The following ECM1 variants were observed in gnomAD, a reference collection of about 807,000 sequenced individuals.
ECM1 encodes extracellular matrix protein 1.
A neutral mutation model predicts 57.9 loss-of-function variants in ECM1; 54 were observed. That is an observed-to-expected ratio of 0.93 (90% CI 0.75 to 1.17). The LOEUF (loss-of-function observed/expected upper bound fraction) is 1.17. ECM1 is among the 50% of genes most tolerant of loss of function. The probability of loss-of-function intolerance (pLI) is 0.00; values close to 1 mark genes in which losing one functional copy is unlikely to be tolerated. For synonymous variants in ECM1, 237 were observed against 259.1 expected (o/e 0.91, Z 0.82); for missense variants, 649 against 688.1 (o/e 0.94, Z 0.64).
Position 150,511,099 on chromosome 1 carries a change from C to T in ECM1, c.609C>T (p.Leu203=). ...TACCACAGTCCAGCTACTCCCACCT[C>T]ACTCGCCAGGGTGAGACCCTCAATT... ...WNLPQSSYSH[L]TRQGETLNFL... The change falls in exon 6 of 10, where the codon CTC becomes CTT. Residue 203 remains leucine (L), a synonymous_variant. Transcript: ENST00000369047. 3.1e-6 allele frequency: 5 copies of T among 1,614,264 alleles called. No individual in the cohort carries two copies. Among genetic ancestry groups the T allele is most frequent in the Non-Finnish European group, 3.4e-6 (4 of 1,180,052 alleles).
At chr1:150,512,596 C>T (rs1348748783) in intron 8 of ECM1, 24 bp downstream of exon 8, 1 of 1,613,718 alleles carries the variant, frequency 6.2e-7, no homozygotes, top group Non-Finnish European at 8.5e-7. Flanking sequence ...TCCTTCCCCA[C>T]TCTCTTCCTT....
At position 150,509,566 on chromosome 1, in the gene ECM1, G is replaced by C. The variant is rs1255847106; in HGVS notation, c.106G>C (p.Glu36Gln). Residue 36 changes from glutamate to glutamine, a missense_variant, in exon 2 of 10, where the codon GAG becomes CAG. Coordinates refer to ENST00000369047, the MANE Select transcript of ECM1 (RefSeq NM_004425.4). The part of the protein sequence containing the change: ...TATGQRQLRP[E>Q]HFQEVGYAAP... The stretch of plus-strand genomic sequence containing the variant: ...TACAGGACAGAGGCAGCTGAGGCCA[G>C]AGCACTTTCAAGAAGGTAAGAGTTT... 6.2e-7 allele frequency: 1 copy of C among 1,614,174 alleles called. No individual in the cohort carries two copies. Among genetic ancestry groups the C allele is most frequent in the South Asian group, 1.1e-5 (1 of 91,086 alleles).
At position 150,512,794 on chromosome 1, in the gene ECM1, C is replaced by A; in HGVS notation, c.1374C>A (p.Ala458=). ...RCCDLPFPEQ[A]CCAEEEKLTF... Reference sequence around the variant, plus strand: ...GTGACCTGCCATTTCCAGAACAGGCCTGCTGTGCAGAGGAGGAGGTGAGTG... The same window carrying A: ...GTGACCTGCCATTTCCAGAACAGGCATGCTGTGCAGAGGAGGAGGTGAGTG... The change falls in exon 9 of 10, where the codon GCC becomes GCA. Residue 458 remains alanine (A), a synonymous_variant. Coordinates refer to ENST00000369047, the MANE Select transcript of ECM1 (RefSeq NM_004425.4). 1 of 1,614,132 alleles carries A rather than the reference C, an allele frequency of 6.2e-7. No individual in the cohort carries two copies. The highest frequency in any genetic ancestry group is 8.5e-7 in the Non-Finnish European group (1 of 1,180,024).
chr1:150,510,148 G>T lies in ECM1; in HGVS notation c.351G>T (p.Leu117=), dbSNP rs1670399140. The change falls in exon 5 of 10, where the codon CTG becomes CTT. Residue 117 remains leucine (L), a synonymous_variant. Transcript: ENST00000369047. ...AAGCTGTCCCCCTCCAAAAAGAGCT[G>T]CCCTCTCTCCAGCACCCCAATGAAC... ...PQEAVPLQKE[L]PSLQHPNEQK... 1 of 1,614,028 alleles carries T rather than the reference G, an allele frequency of 6.2e-7. No homozygotes were observed. Among genetic ancestry groups the T allele is most frequent in the South Asian group, 1.1e-5 (1 of 91,076 alleles).
In ECM1 at chr1:150,513,496, G is replaced by A. The variant is rs901127046; in HGVS notation, c.*29G>A. On this transcript the variant is annotated 3_prime_UTR_variant, in exon 10 of 10. Transcript: ENST00000369047. ...ACCCCAGAGCCCTAGAGGGTCAGAT[G>A]GGGGGAACCCCACCCTGCCCCACCC... The A allele has an allele frequency of 1.9e-6, 3 of 1,596,626 alleles. No homozygotes were observed. The highest frequency in any genetic ancestry group is 2.7e-5 in the African/African-American group (2 of 74,624).
rs769326945 is a variant in ECM1 at position 150,511,150 on chromosome 1, C to T, written c.660C>T (p.Cys220=). ...LNFLEIGYSR[C]CHCRSHTNRL... ...TCCTGGAGATTGGATATTCCCGCTG[C>T]TGCCACTGCCGCAGCCACACAAACC... Residue 220 remains cysteine (C), a synonymous_variant, in exon 6 of 10, where the codon TGC becomes TGT. Coordinates refer to ENST00000369047, the MANE Select transcript of ECM1 (RefSeq NM_004425.4). 8 of 1,614,254 alleles carry T rather than the reference C, an allele frequency of 5.0e-6. No homozygotes were observed. The South Asian group carries it at 7.7e-5, about 16-fold the overall frequency.
In ECM1 at chr1:150,513,543, A is replaced by C; in HGVS notation, c.*76A>C. On this transcript the variant is annotated 3_prime_UTR_variant, in exon 10 of 10. Coordinates refer to ENST00000369047, the MANE Select transcript of ECM1 (RefSeq NM_004425.4). ...ACCCATCTGAACACTCATTACACTA[A>C]ACACCTCTTGGATTTGGTGTCCTCA... 7.5e-7 allele frequency: 1 copy of C among 1,331,896 alleles called. No homozygotes were observed. Among genetic ancestry groups the C allele is most frequent in the Non-Finnish European group, 1.0e-6 (1 of 960,858 alleles). The allele number at this position is 1,331,896 out of a possible 1,614,324, so 82.5% of individuals were successfully genotyped here.
rs1382259020 is a variant in ECM1 at position 150,512,351 on chromosome 1, G to A, written c.1084-1G>A. 3 of 1,612,824 alleles carry A rather than the reference G, an allele frequency of 1.9e-6. No homozygotes were observed. The highest frequency in any genetic ancestry group is 2.5e-6 in the Non-Finnish European group (3 of 1,179,836). On this transcript the variant is annotated splice_acceptor_variant, in intron 7 of 9. Transcript: ENST00000369047. LOFTEE classifies it high-confidence loss of function. ...CTGACTTCCCTCTCTCTGGTCCACA[G>A]TGGGAGGATACCCTTGACAAATACT...
intron 8 of ECM1, 47 bp downstream of exon 8, chr1:150,512,619 C>T (rs1020105411): frequency 3.1e-6 from 5 of 1,612,754 alleles, no homozygotes; most frequent in Middle Eastern, 3.3e-4. Context: ...CCGAAAACTT[C>T]CTTTTGGGAC....
chr1:150,509,461 C>T (rs1670372634), intron 1 of ECM1, 70 bp from the exon 2 acceptor site: 1 of 1,553,710 alleles, frequency 6.4e-7, no homozygotes, highest in Non-Finnish European at 8.9e-7. Flanking sequence ...TCTCCACAGC[C>T]TCCCCATCCC....
Position 150,511,628 on chromosome 1 carries a change from G to A in ECM1, c.880G>A (p.Gly294Ser), listed in dbSNP as rs1374857327. 1.2e-6 allele frequency: 2 copies of A among 1,613,988 alleles called. No homozygotes were observed. Among genetic ancestry groups the A allele is most frequent in the Non-Finnish European group, 1.7e-6 (2 of 1,180,030 alleles). The change falls in exon 7 of 10, where the codon GGT becomes AGT. Residue 294 changes from glycine to serine, a missense_variant. By Grantham distance (56) the Gly-to-Ser change is moderately conservative. Transcript: ENST00000369047. The part of the protein sequence containing the change: ...CPSHQPDISS[G>S]LELPFPPGVP... ...CAGCCATCAGCCTGATATTTCCTCG[G>A]GTCTTGAGCTGCCTTTCCCTCCTGG... is the stretch of plus-strand genomic sequence containing the variant.
chr1:150,513,308 C>T lies in ECM1; in HGVS notation c.1464C>T (p.Tyr488=), dbSNP rs1229921696. 1.9e-5 allele frequency: 31 copies of T among 1,614,128 alleles called. No homozygotes were observed. The highest frequency in any genetic ancestry group is 2.5e-5 in the Non-Finnish European group (30 of 1,180,038). Residue 488 remains tyrosine (Y), a synonymous_variant, in exon 10 of 10, where the codon TAC becomes TAT. Transcript: ENST00000369047. ...GGCGAGACCCTGCCCTCTGCTGTTA[C>T]CTGAGTCCTGGGGATGAACAGGTCA... ...NIWRDPALCC[Y]LSPGDEQVNC...
At position 150,513,450 on chromosome 1, in the gene ECM1, G is replaced by T; in HGVS notation, c.1606G>T (p.Glu536Ter). ...TGGTNISSTS[E>*]PKEE ...AGGAACAAATATCAGCTCCACCTCT[G>T]AGCCCAAGGAAGAATGAGTCACCCC... The change falls in exon 10 of 10, where the codon GAG becomes TAG. Residue 536 changes from glutamate to a stop codon, truncating the protein, a stop_gained. Transcript: ENST00000369047. LOFTEE classifies it high-confidence loss of function. The T allele has an allele frequency of 1.2e-6, 2 of 1,613,324 alleles. No homozygotes were observed. Among genetic ancestry groups the T allele is most frequent in the Admixed American group, 1.7e-5 (1 of 60,032 alleles).
chr1:150,510,576 G>A, intron 5 of ECM1: 1 of 561,538 alleles, frequency 1.8e-6, no homozygotes, highest in South Asian at 2.1e-5. Context: ...GTGAGTGACA[G>A]CTTTGGTCTG....
intron 7 of ECM1, 135 bp from the exon 8 acceptor site, chr1:150,512,217 C>CT (rs1226232595): frequency 1.8e-5 from 18 of 997,156 alleles, no homozygotes; most frequent in Non-Finnish European, 2.6e-5. Flanking sequence ...TAACCCTCTA[C>CT]TTTTTTGCCA....
chr1:150,513,671 C>T lies in ECM1; in HGVS notation c.*204C>T. 1 of 555,186 alleles carries T rather than the reference C, an allele frequency of 1.8e-6. No homozygotes were observed. 34.4% of individuals were successfully genotyped at this position (555,186 alleles called of 1,614,324 possible). A position where few individuals can be genotyped will look rare whatever the true frequency, so the allele number is the denominator to read the frequency against. Reference sequence around the variant, plus strand: ...GACACACCACAGACAAACACACCCTCCTAAGCCTGCTTGTATTTCCTTCAG... The same window carrying T: ...GACACACCACAGACAAACACACCCTTCTAAGCCTGCTTGTATTTCCTTCAG... On this transcript the variant is annotated 3_prime_UTR_variant, in exon 10 of 10. Transcript: ENST00000369047.
intron 3 of ECM1, 58 bp from the exon 4 acceptor site, chr1:150,509,864 C>T (rs587692979): frequency 9.3e-6 from 15 of 1,613,928 alleles, no homozygotes; most frequent in Admixed American, 8.3e-5. Context: ...CCCTCGCCCC[C>T]ACTCCCAGCC....
rs760679942 is a variant in ECM1, at chr1:150,512,701, C to G, written c.1305-24C>G. On this transcript the variant is annotated intron_variant, in intron 8 of 9. Transcript: ENST00000369047. The stretch of plus-strand genomic sequence containing the variant: ...CAGAAGATGCCCAAAGACCCTAACC[C>G]CTGCCCCTTTCACACCAACATAGTA... 67 of 1,613,726 alleles carry G rather than the reference C, an allele frequency of 4.2e-5. No homozygotes were observed. In the South Asian group the frequency reaches 6.8e-4, roughly 16 times the overall value.
rs1670474316 is a variant in ECM1, at chr1:150,512,586, T to G, written c.1304+14T>G. ...TCTCACCAAGCAGTAAGTTGCCTAG[T>G]CCTTCCCCACTCTCTTCCTTTCCCG... On this transcript the variant is annotated intron_variant, in intron 8 of 9. Transcript: ENST00000369047. 8 of 1,613,930 alleles carry G rather than the reference T, an allele frequency of 5.0e-6. No homozygotes were observed. In the African/African-American group the frequency reaches 9.3e-5, roughly 19 times the overall value.
Sources: gnomAD v4.1 joint callset for allele counts on GRCh38, gnomAD v4.1.1 for gene constraint, MANE v1.5 for transcripts, NCBI Gene and HGNC (gene_info 2026-07-23, HGNC 2026-07-21) for gene names.